Variants in ATOX1 observed in about 807,000 individuals in gnomAD.
ATOX1 encodes antioxidant 1 copper chaperone, also known as copper transport protein ATOX1.
ATOX1 carries 4 observed loss-of-function variants against 7.3 expected under a neutral mutation model. That is an observed-to-expected ratio of 0.55 (90% CI 0.27 to 1.25). The LOEUF is 1.25. ATOX1 is among the 50% of genes most tolerant of loss of function. The probability of loss-of-function intolerance (pLI) is 0.12; values close to 1 mark genes in which losing one functional copy is unlikely to be tolerated. For synonymous variants in ATOX1, 25 were observed against 28.7 expected (o/e 0.87, Z 0.41); for missense variants, 68 against 81.6 (o/e 0.83, Z 0.64).
At chr5:151,749,661 CAAAAAAA>C (rs781536166) in intron 2 of ATOX1, among the ~76,000 whole-genome samples, 1 of 54,480 alleles carries the variant, frequency 1.8e-5, no homozygotes, top group African/African-American at 6.8e-5. Flanking sequence ...ACTCCATCTC[CAAAAAAA>C]AAAAAAAAGA....
At chr5:151,758,439 G>C in intron 1 of ATOX1, 107 bp downstream of exon 1, 1 of 1,356,696 alleles carries the variant, frequency 7.4e-7, no homozygotes, top group Non-Finnish European at 9.5e-7. Flanking sequence ...CAGCGGCTCC[G>C]GCCGCCGCCT....
chr5:151,751,340 G>T (rs2915822), intron 2 of ATOX1, among the ~76,000 whole-genome samples: 120,582 of 151,342 alleles, frequency 0.8, 48,797 homozygotes, highest in African/African-American at 0.95. Flanking sequence ...ACCAACATAT[G>T]AACTAGTACT....
chr5:151,756,426 C>CCCT (rs1762017621), intron 1 of ATOX1, among the ~76,000 whole-genome samples: 1 of 149,448 alleles, frequency 6.7e-6, no homozygotes, highest in Non-Finnish European at 1.5e-5. Flanking sequence ...CTCTTCTCTT[C>CCCT]TCTTCTTTCT....
chr5:151,748,210 CAA>C (rs1381424859), intron 2 of ATOX1, among the ~76,000 whole-genome samples: 1 of 152,186 alleles, frequency 6.6e-6, no homozygotes, highest in African/African-American at 2.4e-5. Flanking sequence ...TTTACTCTGA[CAA>C]AAGAGTGCAA....
Position 151,746,466 on chromosome 5 carries a change from T to A in ATOX1, c.83-17A>T. 1 of 1,613,160 alleles carries A rather than the reference T, an allele frequency of 6.2e-7. No homozygotes were observed. Among genetic ancestry groups the A allele is most frequent in the Non-Finnish European group, 8.5e-7 (1 of 1,179,424 alleles). ...ACTTAACTCCTGCAGGAAGAGGAAA[T>A]GGGGTATGGGGAGAGGAAGCACAGA... is the stretch of plus-strand genomic sequence containing the variant. On this transcript the variant is annotated splice_polypyrimidine_tract_variant and intron_variant, in intron 2 of 3. Transcript: ENST00000313115.
intron 1 of ATOX1, among the ~76,000 whole-genome samples, chr5:151,754,371 G>T (rs956960321): frequency 2.0e-5 from 3 of 152,152 alleles, no homozygotes; most frequent in African/African-American, 7.2e-5. Context: ...CACTTTGGGA[G>T]GCTGAGGCAG....
chr5:151,743,880 ATTCATTCTATTAC>A (rs989316936), intron 3 of ATOX1: 1 of 152,156 alleles, frequency 6.6e-6, no homozygotes, highest in African/African-American at 2.4e-5. Flanking sequence ...GTACTTGGGG[ATTCATTCTATTAC>A]TCTACTTACA....
rs940838633 is a variant in ATOX1, at chr5:151,742,973, A to G, written c.*47-14T>C. ...AGGATCAGCATCCTAGGAAAGATGG[A>G]AAGTTAGATGGAACAAAGGTGCCAT... is the stretch of plus-strand genomic sequence containing the variant. On this transcript the variant is annotated splice_polypyrimidine_tract_variant and intron_variant, in intron 3 of 3. Transcript: ENST00000313115. 1 of 152,374 alleles carries G rather than the reference A, an allele frequency of 6.6e-6. No individual in the cohort carries two copies. The highest frequency in any genetic ancestry group is 2.4e-5 in the African/African-American group (1 of 41,466). The allele number at this position is 152,374 out of a possible 1,614,324, so 9.4% of individuals were successfully genotyped here.
intron 1 of ATOX1, among the ~76,000 whole-genome samples, chr5:151,758,024 G>C (rs1225482066): frequency 6.6e-6 from 1 of 152,214 alleles, no homozygotes; most frequent in Non-Finnish European, 1.5e-5. Context: ...TCTCCATTCA[G>C]TGTCGCCCAG....
intron 2 of ATOX1, among the ~76,000 whole-genome samples, chr5:151,748,163 T>C (rs1761901248): frequency 6.6e-6 from 1 of 152,208 alleles, no homozygotes; most frequent in Non-Finnish European, 1.5e-5. Flanking sequence ...CTATGCCAAT[T>C]TACAGCTCCC....
At chr5:151,756,706 TAA>T (rs1486368051) in intron 1 of ATOX1, among the ~76,000 whole-genome samples, 1 of 151,924 alleles carries the variant, frequency 6.6e-6, no homozygotes, top group Non-Finnish European at 1.5e-5. Context: ...GCTCCTGCAT[TAA>T]AGTGATCTGC....
Position 151,751,875 on chromosome 5 carries a change from A to G in ATOX1, c.7-96T>C, listed in dbSNP as rs558590378. 4 of 1,252,356 alleles carry G rather than the reference A, an allele frequency of 3.2e-6. No individual in the cohort carries two copies. The East Asian group carries it at 1.0e-4, about 32-fold the overall frequency. The allele number at this position is 1,252,356 out of a possible 1,614,324, so 77.6% of individuals were successfully genotyped here. On this transcript the variant is annotated intron_variant, in intron 1 of 3. Coordinates refer to ENST00000313115, the MANE Select transcript of ATOX1 (RefSeq NM_004045.4). ...CCCACTCAGGGTCAAGACAGAAGAC[A>G]GAGAGACTGGGCAGGACCTGGTTGG... is the stretch of plus-strand genomic sequence containing the variant.
At chr5:151,747,589 CTT>C (rs768787270) in intron 2 of ATOX1, among the ~76,000 whole-genome samples, 59 of 124,774 alleles carry the variant, frequency 4.7e-4, no homozygotes, top group Admixed American at 4.0e-4. Context: ...CCGGTCCATT[CTT>C]TTTTTTTTTT....
intron 1 of ATOX1, among the ~76,000 whole-genome samples, chr5:151,758,323 C>T (rs1322620978): frequency 6.6e-6 from 1 of 152,252 alleles, no homozygotes; most frequent in African/African-American, 2.4e-5. Context: ...GGAGGCCTTC[C>T]AGCTCCGACG....
At chr5:151,750,942 C>T (rs1387898183) in intron 2 of ATOX1, among the ~76,000 whole-genome samples, 2 of 151,838 alleles carry the variant, frequency 1.3e-5, no homozygotes, top group African/African-American at 2.4e-5. Context: ...TGTGAGCCAC[C>T]GTGCCCAGCC....
intron 1 of ATOX1, chr5:151,754,096 AAC>A (rs1189416160): frequency 6.6e-6 from 1 of 152,236 alleles, no homozygotes; most frequent in African/African-American, 2.4e-5. Flanking sequence ...CAGCAACAAT[AAC>A]AGATTCTGGA....
chr5:151,750,893 T>C (rs966733567), intron 2 of ATOX1, among the ~76,000 whole-genome samples: 2 of 151,922 alleles, frequency 1.3e-5, no homozygotes, highest in African/African-American at 2.4e-5. Flanking sequence ...GCTCAGGCAA[T>C]CTGCCCGCCT....
chr5:151,756,467 CTT>C (rs369903211), intron 1 of ATOX1, among the ~76,000 whole-genome samples: 3 of 141,886 alleles, frequency 2.1e-5, no homozygotes, highest in Non-Finnish European at 3.1e-5. Flanking sequence ...TCCTTCCTTC[CTT>C]TTTTTTTTTT....
intron 1 of ATOX1, among the ~76,000 whole-genome samples, chr5:151,758,051 A>G (rs1762037985): frequency 6.6e-6 from 1 of 152,206 alleles, no homozygotes; most frequent in Admixed American, 6.5e-5. Context: ...TCTGAAAAGT[A>G]GGCCAGAGTG....
Sources: allele counts gnomAD v4.1 joint callset (sites outside exome capture counted in the v4.1 genomes callset), GRCh38; gene constraint gnomAD v4.1.1; transcripts MANE v1.5; gene names NCBI Gene and HGNC (gene_info 2026-07-23, HGNC 2026-07-21).